The following ANKH variants were observed in gnomAD, a reference collection of about 807,000 sequenced individuals.
ANKH encodes mineralization regulator ANKH.
In ANKH, 15 loss-of-function variants were observed where a neutral mutation model predicts 49.0. The observed-to-expected ratio is 0.31, with a 90% confidence interval of 0.20 to 0.47. The LOEUF is 0.47. Among genes scored for constraint, ANKH ranks in the 20% least tolerant of loss-of-function variants. The pLI is 1.00. For synonymous variants in ANKH, 273 were observed against 260.0 expected (o/e 1.05, Z -0.48); for missense variants, 429 against 652.0 (o/e 0.66, Z 3.72).
intron 1 of ANKH, among the ~76,000 whole-genome samples, chr5:14,865,809 G>A (rs902340384): frequency 6.6e-6 from 1 of 152,148 alleles, no homozygotes; most frequent in Non-Finnish European, 1.5e-5. Flanking sequence ...TGTCCATCTT[G>A]TGATATTAAT....
intron 1 of ANKH, among the ~76,000 whole-genome samples, chr5:14,810,001 T>G (rs12514030): frequency 0.15 from 22,074 of 151,988 alleles, 1,976 homozygotes; most frequent in East Asian, 0.45. Context: ...CTGTTTGTGT[T>G]CCCTGGTGGC....
At chr5:14,792,023 C>G (rs1002159606) in intron 1 of ANKH, among the ~76,000 whole-genome samples, 1 of 152,158 alleles carries the variant, frequency 6.6e-6, no homozygotes, top group Non-Finnish European at 1.5e-5. Flanking sequence ...CTGATTCGAT[C>G]AGCAAGAGCA....
chr5:14,824,312 C>T lies in ANKH; in HGVS notation c.96+47040G>A, dbSNP rs180786579. Reference sequence around the variant, plus strand: ...ATGTCTGCTGCATACGATGTATTCTCGTTTGAAAATAAAAACCAAAACTGG... The same window carrying T: ...ATGTCTGCTGCATACGATGTATTCTTGTTTGAAAATAAAAACCAAAACTGG... On this transcript the variant is annotated intron_variant, in intron 1 of 11. Transcript: ENST00000284268. Among the ~76,000 whole-genome samples the T allele has an allele frequency of 9.2e-5, 14 of 152,142 alleles. No homozygotes were observed. The East Asian group carries it at 2.5e-3, about 27-fold the overall frequency.
intron 8 of ANKH, among the ~76,000 whole-genome samples, chr5:14,718,170 C>T (rs542734081): frequency 6.6e-6 from 1 of 152,188 alleles, no homozygotes; most frequent in African/African-American, 2.4e-5. Flanking sequence ...GTGAGGCCCT[C>T]GCAGGTGAGA....
intron 2 of ANKH, among the ~76,000 whole-genome samples, chr5:14,763,906 T>C (rs1177021050): frequency 6.6e-6 from 1 of 151,962 alleles, no homozygotes; most frequent in Admixed American, 6.6e-5. Flanking sequence ...CTGGCCAACA[T>C]AGTGAAACCT....
intron 1 of ANKH, among the ~76,000 whole-genome samples, chr5:14,856,803 G>A (rs1735277741): frequency 6.6e-6 from 1 of 152,112 alleles, no homozygotes; most frequent in Non-Finnish European, 1.5e-5. Context: ...CTAAGCATGA[G>A]CCACGAGTCA....
chr5:14,839,238 G>A (rs967720453), intron 1 of ANKH, among the ~76,000 whole-genome samples: 1 of 152,132 alleles, frequency 6.6e-6, no homozygotes, highest in Middle Eastern at 3.2e-3. Flanking sequence ...TTAAACCTAA[G>A]TGCCAAATTC....
chr5:14,726,372 C>T (rs560412404), intron 8 of ANKH, among the ~76,000 whole-genome samples: 1 of 152,164 alleles, frequency 6.6e-6, no homozygotes, highest in African/African-American at 2.4e-5. Flanking sequence ...GGCTTTCACT[C>T]GGAGGGATGT....
chr5:14,757,301 G>A (rs1229085872), intron 3 of ANKH, among the ~76,000 whole-genome samples: 2 of 151,608 alleles, frequency 1.3e-5, no homozygotes, highest in African/African-American at 4.8e-5. Context: ...CTTGAGGTGG[G>A]GGTGGTAAAA....
At chr5:14,866,888 C>T (rs897511733) in intron 1 of ANKH, among the ~76,000 whole-genome samples, 1 of 152,070 alleles carries the variant, frequency 6.6e-6, no homozygotes, top group African/African-American at 2.4e-5. Flanking sequence ...ATTCAATATA[C>T]AGGCCAGATG....
chr5:14,740,019 A>G (rs1738304790), intron 8 of ANKH, among the ~76,000 whole-genome samples: 3 of 152,202 alleles, frequency 2.0e-5, no homozygotes, highest in Non-Finnish European at 4.4e-5. Context: ...TTAGAAGTAT[A>G]AATTATTGCC....
chr5:14,718,741 C>T (rs562631978), intron 8 of ANKH, among the ~76,000 whole-genome samples: 14 of 149,920 alleles, frequency 9.3e-5, no homozygotes, highest in Non-Finnish European at 1.9e-4. Context: ...ACCCGGGAGA[C>T]GGAGGTTGTG....
At chr5:14,742,702 G>A (rs150702544) in intron 7 of ANKH, among the ~76,000 whole-genome samples, 2 of 152,336 alleles carry the variant, frequency 1.3e-5, no homozygotes, top group African/African-American at 2.4e-5. Context: ...CGCCCTGCGT[G>A]TCTCCCCTTG....
In ANKH at chr5:14,859,267, G is replaced by C. The variant is rs144788115; in HGVS notation, c.96+12085C>G. ...CTTATATAAATGCAATCAACCATAA[G>C]ACAGTTGTCTTTTTGTGTCTGTCTT... On this transcript the variant is annotated intron_variant, in intron 1 of 11. Transcript: ENST00000284268. Among the ~76,000 whole-genome samples, 706 of 152,252 alleles carry C rather than the reference G, an allele frequency of 4.6e-3. 7 individuals carry two copies. Among genetic ancestry groups the C allele is most frequent in the African/African-American group, 0.016 (672 of 41,532 alleles).
chr5:14,746,803 T>C (rs955583357), intron 6 of ANKH, among the ~76,000 whole-genome samples: 4 of 152,194 alleles, frequency 2.6e-5, no homozygotes, highest in African/African-American at 9.7e-5. Flanking sequence ...GTTAGATCTC[T>C]TTCACTGTCT....
chr5:14,845,352 A>G (rs1377488362), intron 1 of ANKH, among the ~76,000 whole-genome samples: 2 of 47,232 alleles, frequency 4.2e-5, no homozygotes, highest in African/African-American at 8.1e-5. Flanking sequence ...TCATGTGTAT[A>G]TATATATATA....
chr5:14,836,799 C>T (rs1741667543), intron 1 of ANKH, among the ~76,000 whole-genome samples: 1 of 152,136 alleles, frequency 6.6e-6, no homozygotes, highest in Non-Finnish European at 1.5e-5. Context: ...AAAAAAGAGC[C>T]CACATTGCCA....
intron 1 of ANKH, among the ~76,000 whole-genome samples, chr5:14,773,864 G>A (rs943734426): frequency 2.0e-5 from 3 of 152,122 alleles, no homozygotes; most frequent in African/African-American, 7.2e-5. Flanking sequence ...TTTCTACCAC[G>A]AACTTAAGTG....
intron 1 of ANKH, among the ~76,000 whole-genome samples, chr5:14,792,221 T>C (rs913002549): frequency 1.3e-5 from 2 of 152,150 alleles, no homozygotes; most frequent in African/African-American, 4.8e-5. Context: ...AGTCCCATTA[T>C]ACTGGGCAGG....
Sources: gnomAD v4.1 joint callset for allele counts (sites outside exome capture counted in the v4.1 genomes callset) on GRCh38, gnomAD v4.1.1 for gene constraint, MANE v1.5 for transcripts, NCBI Gene and HGNC (gene_info 2026-07-23, HGNC 2026-07-21) for gene names.